ASIC2: variants seen among roughly 807,000 people sequenced by gnomAD.
ASIC2 encodes the protein acid-sensing ion channel 2.
Under a neutral mutation model 57.3 loss-of-function variants are expected in ASIC2, and 25 were observed. That is an observed-to-expected ratio of 0.44 (90% CI 0.32 to 0.61). The LOEUF (loss-of-function observed/expected upper bound fraction) is 0.61. Among genes scored for constraint, ASIC2 ranks in the 20% least tolerant of loss-of-function variants. The pLI, the probability that ASIC2 is intolerant of heterozygous loss-of-function variation, is 0.06. For synonymous variants in ASIC2, 319 were observed against 307.5 expected, an observed-to-expected ratio of 1.04 and a Z score of -0.39; for missense variants, 641 against 738.1, an observed-to-expected ratio of 0.87 and a Z score of 1.52.
chr17:33,029,801 G>A (rs4417587), intron 3 of ASIC2, among the ~76,000 whole-genome samples: 2,163 of 152,264 alleles, frequency 0.014, 54 homozygotes, highest in African/African-American at 0.05. Flanking sequence ...TCTGGACTTC[G>A]TCCACCTTTT....
intron 1 of ASIC2, among the ~76,000 whole-genome samples, chr17:34,137,239 AAATG>A (rs763882229): frequency 3.3e-5 from 5 of 152,354 alleles, no homozygotes; most frequent in Non-Finnish European, 7.3e-5. Context: ...AAAACAGACA[AAATG>A]AATGAATAAG....
intron 1 of ASIC2, among the ~76,000 whole-genome samples, chr17:34,097,925 G>T (rs533795277): frequency 6.6e-6 from 1 of 152,294 alleles, no homozygotes; most frequent in Admixed American, 6.5e-5. Flanking sequence ...TTGCTCGGCT[G>T]CCCACTATGG....
chr17:34,128,225 G>A (rs1429366559), intron 1 of ASIC2, among the ~76,000 whole-genome samples: 1 of 152,174 alleles, frequency 6.6e-6, no homozygotes, highest in African/African-American at 2.4e-5. Context: ...ATTGGGTAAA[G>A]GGAGGCAAAG....
At chr17:33,477,714 A>G (rs11080224) in intron 1 of ASIC2, among the ~76,000 whole-genome samples, 34,421 of 152,186 alleles carry the variant, frequency 0.23, 4,497 homozygotes, top group Non-Finnish European at 0.29. Context: ...AATAGGGAAG[A>G]CAGCCATTCA....
intron 1 of ASIC2, among the ~76,000 whole-genome samples, chr17:33,317,886 AGTGT>A (rs57716479): frequency 0.1 from 15,090 of 144,322 alleles, 851 homozygotes; most frequent in Non-Finnish European, 0.14. Context: ...TGTGGAGATG[AGTGT>A]GTGTGTGTGT....
chr17:33,404,853 T>C (rs1910412087), intron 1 of ASIC2, among the ~76,000 whole-genome samples: 1 of 152,186 alleles, frequency 6.6e-6, no homozygotes, highest in African/African-American at 2.4e-5. Flanking sequence ...ATATTACCCA[T>C]TATATTACTA....
intron 1 of ASIC2, among the ~76,000 whole-genome samples, chr17:33,525,051 G>C (rs1401278794): frequency 6.6e-6 from 1 of 152,102 alleles, no homozygotes; most frequent in African/African-American, 2.4e-5. Flanking sequence ...AGTCTCTTCT[G>C]TTCCCCCATC....
chr17:33,073,066 C>G (rs2141951572), intron 3 of ASIC2, among the ~76,000 whole-genome samples: 1 of 152,336 alleles, frequency 6.6e-6, no homozygotes, highest in Middle Eastern at 3.4e-3. Flanking sequence ...GACTCACCCT[C>G]ATTTCTACCG....
chr17:33,280,908 G>T (rs1035948297), intron 1 of ASIC2, among the ~76,000 whole-genome samples: 1 of 152,194 alleles, frequency 6.6e-6, no homozygotes, highest in African/African-American at 2.4e-5. Context: ...TTCACTGGGA[G>T]GGGTTCCAAG....
chr17:33,699,850 C>A (rs1441627557), intron 1 of ASIC2, among the ~76,000 whole-genome samples: 1 of 152,182 alleles, frequency 6.6e-6, no homozygotes, highest in Non-Finnish European at 1.5e-5. Context: ...AATAATAGTG[C>A]CCATGTCATG....
chr17:33,912,236 G>A (rs1407701337), intron 1 of ASIC2, among the ~76,000 whole-genome samples: 1 of 150,240 alleles, frequency 6.7e-6, no homozygotes, highest in East Asian at 2.0e-4. Flanking sequence ...GCTCACGCCT[G>A]TAATCCCGGC....
intron 1 of ASIC2, among the ~76,000 whole-genome samples, chr17:33,133,245 ATGAGCAGAGGGCACAGCG>A: frequency 6.6e-6 from 1 of 152,318 alleles, no homozygotes; most frequent in Middle Eastern, 3.4e-3. Flanking sequence ...AGGGCACAGC[ATGAGCAGAGGGCACAGCG>A]TTGGCAGAGG....
intron 1 of ASIC2, among the ~76,000 whole-genome samples, chr17:34,103,536 C>T (rs548087748): frequency 1.3e-5 from 2 of 151,880 alleles, no homozygotes; most frequent in African/African-American, 2.4e-5. Context: ...TAACATTTTT[C>T]GTTATCCTGT....
At chr17:33,879,389 C>A (rs1914640051) in intron 1 of ASIC2, among the ~76,000 whole-genome samples, 1 of 152,132 alleles carries the variant, frequency 6.6e-6, no homozygotes, top group South Asian at 2.1e-4. Context: ...CACACATAGG[C>A]TCAAAATAAA....
At chr17:33,408,844 G>A (rs1349173240) in intron 1 of ASIC2, among the ~76,000 whole-genome samples, 2 of 152,212 alleles carry the variant, frequency 1.3e-5, no homozygotes, top group Admixed American at 6.5e-5. Flanking sequence ...CAGAGTGAGG[G>A]ATGAGAGAGG....
chr17:33,575,316 A>G (rs1288207135), intron 1 of ASIC2, among the ~76,000 whole-genome samples: 1 of 152,266 alleles, frequency 6.6e-6, no homozygotes, highest in Non-Finnish European at 1.5e-5. Context: ...CTTAACACAT[A>G]GCACAAGTTC....
intron 1 of ASIC2, among the ~76,000 whole-genome samples, chr17:33,411,147 C>T (rs1278407358): frequency 6.6e-6 from 1 of 152,130 alleles, no homozygotes; most frequent in Non-Finnish European, 1.5e-5. Context: ...TGCTACAGAC[C>T]ACAATAAACA....
At chr17:33,260,532 G>A (rs1161426469) in intron 1 of ASIC2, among the ~76,000 whole-genome samples, 4 of 152,182 alleles carry the variant, frequency 2.6e-5, no homozygotes, top group Non-Finnish European at 2.9e-5. Flanking sequence ...CACCTCCAAC[G>A]GCCACACTAT....
rs1195908487 is a variant in ASIC2, at chr17:33,464,457, CTCTT to C, written c.556-352394_556-352391del. ...CATCATTCTACACATGCCTCTTTTT[CTCTT>C]TCTTTCTTTCTTTCTTTTCTCTCTT... On this transcript the variant is annotated intron_variant, in intron 1 of 9. Coordinates refer to the ASIC2 transcript ENST00000359872. Among the ~76,000 whole-genome samples, 35 of 85,846 alleles carry C rather than the reference CTCTT, an allele frequency of 4.1e-4. 1 individual carries two copies. Among genetic ancestry groups the C allele is most frequent in the East Asian group, 2.7e-3 (9 of 3,380 alleles). 56.3% of individuals were successfully genotyped at this position (85,846 alleles called of 152,430 possible). A position where few individuals can be genotyped will look rare whatever the true frequency, so the allele number is the denominator to read the frequency against.
Sources: gnomAD v4.1 joint callset for allele counts (sites outside exome capture counted in the v4.1 genomes callset) on GRCh38, gnomAD v4.1.1 for gene constraint, MANE v1.5 for transcripts, NCBI Gene and HGNC (gene_info 2026-07-23, HGNC 2026-07-21) for gene names.